PMVK: variants seen among roughly 807,000 people sequenced by gnomAD.
The protein encoded by PMVK is testis tissue sperm-binding protein Li 95mP.
PMVK carries 10 observed loss-of-function variants against 19.0 expected under a neutral mutation model. That is an observed-to-expected ratio of 0.53 (90% CI 0.32 to 0.89). The LOEUF (loss-of-function observed/expected upper bound fraction) is 0.89, where lower values mean the gene tolerates loss of function less well. Among genes scored for constraint, PMVK ranks in the 40% least tolerant of loss-of-function variants. PMVK has a pLI of 0.03. For missense variants in PMVK, 222 were observed against 251.1 expected, an observed-to-expected ratio of 0.88 and a Z score of 0.78; for synonymous variants, 108 against 101.6, an observed-to-expected ratio of 1.06 and a Z score of -0.38.
upstream of PMVK, among the ~76,000 whole-genome samples, chr1:154,939,716 AAAAAAAG>A (rs1384339996): frequency 6.6e-6 from 1 of 151,608 alleles, no homozygotes; most frequent in African/African-American, 2.4e-5. Context: ...AAAAAAAAAA[AAAAAAAG>A]AAAGAAAAGT....
chr1:154,937,994 TAAGA>T (rs1654565199), upstream of PMVK: 1 of 152,142 alleles, frequency 6.6e-6, no homozygotes, highest in African/African-American at 2.4e-5. Flanking sequence ...AGGGTTATAA[TAAGA>T]AAGGAATGAA....
rs779847651 is a variant in PMVK at position 154,929,142 on chromosome 1, G to A, written c.194C>T (p.Thr65Ile). Residue 65 changes from threonine to isoleucine, a missense_variant, in exon 3 of 5, where the codon ACC becomes ATC. By Grantham distance (89) the Thr-to-Ile change is moderately conservative. Coordinates refer to ENST00000368467, the MANE Select transcript of PMVK (RefSeq NM_006556.4). ...CCGAAAGGCCTCCTTGTAGGTGCTG[G>A]TGTCCAGGAGTCTCTGGAAGTTCAA... ...HGLNFQRLLDTSTYKEAFRKD... is the reference protein window; with the variant it reads ...HGLNFQRLLDISTYKEAFRKD... The A allele has an allele frequency of 6.2e-7, 1 of 1,613,990 alleles. No individual in the cohort carries two copies. The highest frequency in any genetic ancestry group is 8.5e-7 in the Non-Finnish European group (1 of 1,179,858).
At chr1:154,930,465 A>G (rs192008272) in intron 2 of PMVK, among the ~76,000 whole-genome samples, 1 of 152,248 alleles carries the variant, frequency 6.6e-6, no homozygotes, top group African/African-American at 2.4e-5. Context: ...CGTCTCAAAT[A>G]TAAATAAAAT....
Position 154,936,551 on chromosome 1 carries a change from C to A in PMVK, c.95+40G>T, listed in dbSNP as rs1268554449. On this transcript the variant is annotated intron_variant, in intron 1 of 4. Transcript: ENST00000368467. ...AAAGCACTCCTCGTGTCACGTGATG[C>A]GGAGAGCTCCCCCTTCCACCTTTCC... 6 of 1,563,280 alleles carry A rather than the reference C, an allele frequency of 3.8e-6. No individual in the cohort carries two copies. In the South Asian group the frequency reaches 5.9e-5, roughly 15 times the overall value.
chr1:154,939,748 G>A (rs570291193), upstream of PMVK, among the ~76,000 whole-genome samples: 3 of 150,840 alleles, frequency 2.0e-5, no homozygotes, highest in Admixed American at 1.3e-4. Flanking sequence ...GATCCACCTA[G>A]ATGACAGCCA....
chr1:154,931,526 C>T (rs1654334694), intron 2 of PMVK, among the ~76,000 whole-genome samples: 1 of 152,122 alleles, frequency 6.6e-6, no homozygotes, highest in Admixed American at 6.5e-5. Context: ...CACCCTGTCC[C>T]CTCCCTGGGG....
At position 154,932,432 on chromosome 1, in the gene PMVK, T is replaced by A. The variant is rs1438435664; in HGVS notation, c.96-17A>T. ...GCTCCAAGTCTGCAGGACAGGGAGATCAGAATCCAGTTAGCCTAGAATTTC... is the reference window on the plus strand; with the variant it reads ...GCTCCAAGTCTGCAGGACAGGGAGAACAGAATCCAGTTAGCCTAGAATTTC... On this transcript the variant is annotated splice_polypyrimidine_tract_variant and intron_variant, in intron 1 of 4. Transcript: ENST00000368467. 5 of 1,587,494 alleles carry A rather than the reference T, an allele frequency of 3.1e-6. No individual in the cohort carries two copies. The highest frequency in any genetic ancestry group is 4.3e-6 in the Non-Finnish European group (5 of 1,165,404).
At position 154,929,079 on chromosome 1, in the gene PMVK, G is replaced by T. The variant is rs1032441167; in HGVS notation, c.257C>A (p.Ala86Asp). The change falls in exon 3 of 5, where the codon GCT becomes GAT. Residue 86 changes from alanine to aspartate, a missense_variant. By Grantham distance (126) the Ala-to-Asp change is moderately radical. Coordinates refer to ENST00000368467, the MANE Select transcript of PMVK (RefSeq NM_006556.4). ...MIRWGEEKRQADPGFFCRKIV... is the reference protein window; with the variant it reads ...MIRWGEEKRQDDPGFFCRKIV... ...CTTCCTGCAAAAGAAGCCTGGGTCA[G>T]CCTGGCGTTTCTCCTCTCCCCAGCG... The T allele has an allele frequency of 6.2e-7, 1 of 1,614,180 alleles. No homozygotes were observed.
intron 2 of PMVK, 48 bp downstream of exon 2, chr1:154,932,304 T>C (rs766582669): frequency 8.6e-6 from 12 of 1,400,876 alleles, no homozygotes; most frequent in African/African-American, 1.4e-5. Flanking sequence ...TCCAAAGTCC[T>C]GGAGCCGGCC....
rs895863621 is a variant in PMVK, at chr1:154,928,900, G to A, written c.312+124C>T. 8.7e-5 allele frequency: 79 copies of A among 910,484 alleles called. 1 individual carries two copies. Among genetic ancestry groups the A allele is most frequent in the Non-Finnish European group, 1.2e-4 (70 of 574,246 alleles). 56.4% of individuals were successfully genotyped at this position (910,484 alleles called of 1,614,324 possible). On this transcript the variant is annotated intron_variant, in intron 3 of 4. Coordinates refer to ENST00000368467, the MANE Select transcript of PMVK (RefSeq NM_006556.4). ...TAGAGACCAGTGTGGAGGCTACTGCGACTGTCCAGGCCAGAAATGGTGGGG... is the reference window on the plus strand; with the variant it reads ...TAGAGACCAGTGTGGAGGCTACTGCAACTGTCCAGGCCAGAAATGGTGGGG...
In PMVK at chr1:154,926,407, CG is replaced by C; in HGVS notation, c.388del (p.Arg130AlafsTer3). The C allele has an allele frequency of 6.2e-7, 1 of 1,613,908 alleles. No homozygotes were observed. Among genetic ancestry groups the C allele is most frequent in the Non-Finnish European group, 8.5e-7 (1 of 1,179,982 alleles). Reference sequence around the variant, plus strand: ...TCGGCTCTGCTCCAACGCTACAACGCGGACCGTCTGCGTCACGGCCCCATAG... The same window carrying C: ...TCGGCTCTGCTCCAACGCTACAACGCGACCGTCTGCGTCACGGCCCCATAG... ...EAYGAVTQTV[R>X]VVALEQSRQQ... On this transcript the variant is annotated frameshift_variant, in exon 4 of 5. Coordinates refer to ENST00000368467, the MANE Select transcript of PMVK (RefSeq NM_006556.4). LOFTEE classifies it high-confidence loss of function.
Position 154,925,099 on chromosome 1 carries a change from A to ACC in PMVK, c.*29_*30insGG. 7.7e-7 allele frequency: 1 copy of ACC among 1,291,678 alleles called. No homozygotes were observed. Among genetic ancestry groups the ACC allele is most frequent in the Non-Finnish European group, 1.0e-6 (1 of 988,154 alleles). 80.0% of individuals were successfully genotyped at this position (1,291,678 alleles called of 1,614,324 possible). On this transcript the variant is annotated 3_prime_UTR_variant, in exon 5 of 5. Coordinates refer to ENST00000368467, the MANE Select transcript of PMVK (RefSeq NM_006556.4). ...GAGTCAGCCCCACCCCCACCTCAGC[A>ACC]GGCCCCAGCTCACTCCTAGAACCTA... is the stretch of plus-strand genomic sequence containing the variant.
At chr1:154,931,734 A>G (rs929591097) in intron 2 of PMVK, among the ~76,000 whole-genome samples, 10 of 149,226 alleles carry the variant, frequency 6.7e-5, no homozygotes, top group South Asian at 2.1e-4. Context: ...CAAATGTAGC[A>G]TTCTCTACAC....
chr1:154,927,913 T>C (rs1183149918), intron 3 of PMVK, among the ~76,000 whole-genome samples: 1 of 147,978 alleles, frequency 6.8e-6, no homozygotes, highest in Non-Finnish European at 1.5e-5. Flanking sequence ...TTTTACTCCT[T>C]AGTATTTACC....
Position 154,925,051 on chromosome 1 carries a change from T to G in PMVK, c.*78A>C. 2.7e-6 allele frequency: 3 copies of G among 1,130,498 alleles called. No homozygotes were observed. The highest frequency in any genetic ancestry group is 3.6e-6 in the Non-Finnish European group (3 of 834,284). 70.0% of individuals were successfully genotyped at this position (1,130,498 alleles called of 1,614,324 possible). ...TGTCTGTTCCTCACCTCGGCCAGGATCGGGGGACACCCCCATTTTGCAGAG... is the reference window on the plus strand; with the variant it reads ...TGTCTGTTCCTCACCTCGGCCAGGAGCGGGGGACACCCCCATTTTGCAGAG... On this transcript the variant is annotated 3_prime_UTR_variant, in exon 5 of 5. Coordinates refer to ENST00000368467, the MANE Select transcript of PMVK (RefSeq NM_006556.4).
At chr1:154,933,977 T>C (rs190865280) in intron 1 of PMVK, among the ~76,000 whole-genome samples, 1 of 152,242 alleles carries the variant, frequency 6.6e-6, no homozygotes, top group East Asian at 1.9e-4. Flanking sequence ...CTTGAGATGC[T>C]CACAATACAC....
chr1:154,934,016 T>A (rs920486345), intron 1 of PMVK, among the ~76,000 whole-genome samples: 1 of 152,216 alleles, frequency 6.6e-6, no homozygotes, highest in Non-Finnish European at 1.5e-5. Flanking sequence ...AGTGCTGTTT[T>A]TGAGACTGAG....
At chr1:154,932,183 T>C (rs932447801) in intron 2 of PMVK, among the ~76,000 whole-genome samples, 169 bp downstream of exon 2, 11 of 152,100 alleles carry the variant, frequency 7.2e-5, no homozygotes, top group Non-Finnish European at 1.2e-4. Context: ...GAAAGAAATA[T>C]AAGCTGAAAA....
intron 3 of PMVK, among the ~76,000 whole-genome samples, chr1:154,927,465 A>C (rs1654200488): frequency 1.3e-5 from 2 of 150,350 alleles, no homozygotes; most frequent in Admixed American, 6.6e-5. Flanking sequence ...AAAAAAAAAA[A>C]AAAAAAAAAA....
Sources: allele counts gnomAD v4.1 joint callset (sites outside exome capture counted in the v4.1 genomes callset), GRCh38; gene constraint gnomAD v4.1.1; transcripts MANE v1.5; gene names NCBI Gene and HGNC (gene_info 2026-07-23, HGNC 2026-07-21).